The following PGAP3 variants were observed in gnomAD, a reference collection of about 807,000 sequenced individuals.
PGAP3 encodes GPI-specific phospholipase A2-like PGAP3.
PGAP3 carries 31 observed loss-of-function variants against 40.3 expected under a neutral mutation model. The ratio of observed to expected loss-of-function variants is 0.77; its 90% CI spans 0.58 to 1.04. The LOEUF (loss-of-function observed/expected upper bound fraction) is 1.04, where lower values mean the gene tolerates loss of function less well. Ranked by LOEUF, PGAP3 falls within the 50% of genes least tolerant of loss-of-function variation. The pLI is 0.00. For synonymous variants in PGAP3, 191 were observed against 184.5 expected (o/e 1.04, Z -0.29); for missense variants, 413 against 423.0 (o/e 0.98, Z 0.21).
intron 3 of PGAP3, among the ~76,000 whole-genome samples, chr17:39,683,015 G>A (rs1333018055): frequency 6.6e-6 from 1 of 152,108 alleles, no homozygotes; most frequent in Non-Finnish European, 1.5e-5. Flanking sequence ...GGCAGAGGTT[G>A]CAGCGAGCCA....
At chr17:39,674,360 A>G (rs755204277) in intron 4 of PGAP3, among the ~76,000 whole-genome samples, 6 of 152,128 alleles carry the variant, frequency 3.9e-5, no homozygotes, top group Non-Finnish European at 5.9e-5. Context: ...GCAACCCTTC[A>G]CTGGCTGGGT....
intron 3 of PGAP3, among the ~76,000 whole-genome samples, chr17:39,679,070 C>T (rs1376637031): frequency 2.0e-5 from 3 of 152,054 alleles, no homozygotes; most frequent in South Asian, 2.1e-4. Flanking sequence ...TTCAGCCTCC[C>T]GAGTAGCTGG....
At position 39,673,181 on chromosome 17, in the gene PGAP3, C is replaced by A. The variant is rs565676417; in HGVS notation, c.769G>T (p.Val257Leu). 4 of 1,578,446 alleles carry A rather than the reference C, an allele frequency of 2.5e-6. No individual in the cohort carries two copies. The highest frequency in any genetic ancestry group is 3.4e-6 in the Non-Finnish European group (4 of 1,162,826). The change falls in exon 7 of 8, where the codon GTG becomes TTG. Residue 257 changes from valine (V) to leucine (L), a missense_variant. By Grantham distance (32) the Val-to-Leu change is conservative (BLOSUM62 1). Coordinates refer to ENST00000300658, the MANE Select transcript of PGAP3 (RefSeq NM_033419.5). ...CCCTGCAGCAGCAAGACCACCACCA[C>A]GCACTTGCGCACGTGAGGCAGCCGC... ...QRRLPHVRKCVVVVLLLQGLS... is the reference protein window; with the variant it reads ...QRRLPHVRKCLVVVLLLQGLS...
intron 3 of PGAP3, among the ~76,000 whole-genome samples, chr17:39,682,137 A>C (rs1192051852): frequency 1.4e-5 from 2 of 144,454 alleles, no homozygotes; most frequent in Admixed American, 7.1e-5. Flanking sequence ...GAGGCAGGAG[A>C]ATGGCGTGAA....
chr17:39,683,055 AACAGAGTGAG>A (rs1408304914), intron 3 of PGAP3, among the ~76,000 whole-genome samples: 1 of 152,102 alleles, frequency 6.6e-6, no homozygotes, highest in East Asian at 1.9e-4. Context: ...CAGCTGGGGC[AACAGAGTGAG>A]ACTTTGTCTC....
rs547297629 is a variant in PGAP3, at chr17:39,681,024, G to C, written c.432+3573C>G. 2.0e-4 allele frequency among the ~76,000 whole-genome samples: 30 copies of C among 152,180 alleles called. No homozygotes were observed. In the South Asian group the frequency reaches 6.2e-3, roughly 32 times the overall value. On this transcript the variant is annotated intron_variant, in intron 3 of 7. Coordinates refer to ENST00000300658, the MANE Select transcript of PGAP3 (RefSeq NM_033419.5). ...ACTACGGGCATGTGCCACCAGGCCTGGCTTATTTTTTTTGTATTTTTGGTA... is the reference window on the plus strand; with the variant it reads ...ACTACGGGCATGTGCCACCAGGCCTCGCTTATTTTTTTTGTATTTTTGGTA...
chr17:39,679,767 G>T (rs1415346640), intron 3 of PGAP3, among the ~76,000 whole-genome samples: 1 of 152,128 alleles, frequency 6.6e-6, no homozygotes. Context: ...GCACTCAGGG[G>T]CCTCTCTGCT....
At chr17:39,685,412 A>G (rs899189124) in intron 2 of PGAP3, among the ~76,000 whole-genome samples, 1 of 151,868 alleles carries the variant, frequency 6.6e-6, no homozygotes, top group Non-Finnish European at 1.5e-5. Context: ...GAATTGCTTG[A>G]ACCTGGGAGG....
intron 3 of PGAP3, among the ~76,000 whole-genome samples, chr17:39,681,170 T>A (rs1008796626): frequency 2.6e-5 from 4 of 152,120 alleles, no homozygotes. Flanking sequence ...CCGGCCTCCA[T>A]CACTGTCTTA....
rs755814767 is a variant in PGAP3 at position 39,673,125 on chromosome 17, T to C, written c.825A>G (p.Pro275=). 1 of 1,607,374 alleles carries C rather than the reference T, an allele frequency of 6.2e-7. No homozygotes were observed. Among genetic ancestry groups the C allele is most frequent in the Non-Finnish European group, 8.5e-7 (1 of 1,177,450 alleles). Residue 275 remains proline, a synonymous_variant, in exon 7 of 8, where the codon CCA becomes CCG. Coordinates refer to ENST00000300658, the MANE Select transcript of PGAP3 (RefSeq NM_033419.5). The part of the protein sequence containing the change: ...GLSLLELLDF[P]PLFWVLDAHA... Reference sequence around the variant, plus strand: ...GGGCATCCAGGACCCAGAAGAGCGGTGGGAAGTCAAGCAGCTCGAGCAGGG... The same window carrying C: ...GGGCATCCAGGACCCAGAAGAGCGGCGGGAAGTCAAGCAGCTCGAGCAGGG...
Position 39,673,609 on chromosome 17 carries a change from C to T in PGAP3, c.599G>A (p.Arg200Gln), listed in dbSNP as rs546711124. ...LQHPAVVSAF[R>Q]ALLLLMLTVH... Reference sequence around the variant, plus strand: ...GGTCAGCATGAGCAGCAGGAGAGCCCGGAAGGCACTGACCACAGCTGGGTG... The same window carrying T: ...GGTCAGCATGAGCAGCAGGAGAGCCTGGAAGGCACTGACCACAGCTGGGTG... The change falls in exon 6 of 8, where the codon CGG (arginine) becomes CAG (glutamine). Residue 200 changes from arginine (R) to glutamine (Q), a missense_variant. Arg to Gln is a conservative substitution (Grantham distance 43). Coordinates refer to ENST00000300658, the MANE Select transcript of PGAP3 (RefSeq NM_033419.5). 77 of 1,614,004 alleles carry T rather than the reference C, an allele frequency of 4.8e-5. 1 individual carries two copies. Among genetic ancestry groups the T allele is most frequent in the South Asian group, 1.2e-4 (11 of 91,094 alleles).
intron 3 of PGAP3, among the ~76,000 whole-genome samples, chr17:39,684,124 CAAAA>C (rs58205601): frequency 1.6e-5 from 1 of 64,394 alleles, no homozygotes. Context: ...GACTCTGTCT[CAAAA>C]AAAAAAAAAA....
Position 39,688,040 on chromosome 17 carries a change from G to A in PGAP3, c.-26C>T, listed in dbSNP as rs1167923279. On this transcript the variant is annotated 5_prime_UTR_variant, in exon 1 of 8. Transcript: ENST00000300658. ...CCTTTCTCCCTGGCTCGCCGCCGGG[G>A]GAGGAGCTTAGGAGTATGAAGCTTC... is the stretch of plus-strand genomic sequence containing the variant. 4.4e-6 allele frequency: 6 copies of A among 1,369,466 alleles called. No individual in the cohort carries two copies. In the East Asian group the frequency reaches 1.2e-4, roughly 27 times the overall value. The allele number at this position is 1,369,466 out of a possible 1,614,324, so 84.8% of individuals were successfully genotyped here.
In PGAP3 at chr17:39,684,558, G is replaced by C. The variant is rs568870138; in HGVS notation, c.432+39C>G. 1.2e-5 allele frequency: 19 copies of C among 1,572,812 alleles called. No individual in the cohort carries two copies. In the African/African-American group the frequency reaches 2.6e-4, roughly 21 times the overall value. On this transcript the variant is annotated intron_variant, in intron 3 of 7. Coordinates refer to ENST00000300658, the MANE Select transcript of PGAP3 (RefSeq NM_033419.5). Reference sequence around the variant, plus strand: ...AGGGATGTAGAGCTCCACCTTCCTAGATAAGAGGAGACAGCAGGAGTCCTG... The same window carrying C: ...AGGGATGTAGAGCTCCACCTTCCTACATAAGAGGAGACAGCAGGAGTCCTG...
In PGAP3 at chr17:39,671,169, C is replaced by G. The variant is rs1054461918; in HGVS notation, c.*1634G>C. 6.6e-6 allele frequency: 1 copy of G among 152,378 alleles called. No homozygotes were observed. The highest frequency in any genetic ancestry group is 1.5e-5 in the Non-Finnish European group (1 of 68,048). 9.4% of individuals were successfully genotyped at this position (152,378 alleles called of 1,614,324 possible). ...AAGCACATCCCTTGCCACCCTCCCA[C>G]CTTAAAAGTTTTCAGTATCAAAAGA... is the stretch of plus-strand genomic sequence containing the variant. On this transcript the variant is annotated 3_prime_UTR_variant, in exon 8 of 8. Coordinates refer to ENST00000300658, the MANE Select transcript of PGAP3 (RefSeq NM_033419.5).
Position 39,672,086 on chromosome 17 carries a change from G to C in PGAP3, c.*717C>G, listed in dbSNP as rs1277990636. The C allele has an allele frequency of 6.5e-6, 1 of 153,090 alleles. No individual in the cohort carries two copies. Among genetic ancestry groups the C allele is most frequent in the Non-Finnish European group, 1.5e-5 (1 of 68,540 alleles). The allele number at this position is 153,090 out of a possible 1,614,324, so 9.5% of individuals were successfully genotyped here. A position where few individuals can be genotyped will look rare whatever the true frequency, so the allele number is the denominator to read the frequency against. The stretch of plus-strand genomic sequence containing the variant: ...CACACACACCCAGGCCCATGCTCAC[G>C]GCCCTGTCACCTATGCACTCAGCCT... On this transcript the variant is annotated 3_prime_UTR_variant, in exon 8 of 8. Transcript: ENST00000300658.
Position 39,684,653 on chromosome 17 carries a change from G to A in PGAP3, c.376C>T (p.Arg126Cys), listed in dbSNP as rs780774610. The change falls in exon 3 of 8, where the codon CGC becomes TGC. Residue 126 changes from arginine (R) to cysteine (C), a missense_variant. Physicochemically the swap from Arg to Cys is radical, Grantham distance 180. Coordinates refer to ENST00000300658, the MANE Select transcript of PGAP3 (RefSeq NM_033419.5). ...GGGGAGGAGGCTGGCACGAAGGTGCGGTAGCGGCAGAGCATCACCAGGCTG... is the reference window on the plus strand; with the variant it reads ...GGGGAGGAGGCTGGCACGAAGGTGCAGTAGCGGCAGAGCATCACCAGGCTG... The part of the protein sequence containing the change: ...LASLVMLCRY[R>C]TFVPASSPMY... 17 of 1,613,946 alleles carry A rather than the reference G, an allele frequency of 1.1e-5. No individual in the cohort carries two copies. Among genetic ancestry groups the A allele is most frequent in the Middle Eastern group, 1.6e-4 (1 of 6,082 alleles).
intron 4 of PGAP3, 86 bp from the exon 5 acceptor site, chr17:39,674,140 G>A: frequency 1.5e-6 from 2 of 1,369,298 alleles, no homozygotes; most frequent in Non-Finnish European, 2.1e-6. Flanking sequence ...GAGTGGCAGA[G>A]AGGGGCCGGG....
chr17:39,680,449 AT>A (rs886760732), intron 3 of PGAP3, among the ~76,000 whole-genome samples: 1 of 152,094 alleles, frequency 6.6e-6, no homozygotes, highest in Non-Finnish European at 1.5e-5. Context: ...GAGGGTCCAT[AT>A]TTCCCAGAGG....
Sources: allele counts gnomAD v4.1 joint callset (sites outside exome capture counted in the v4.1 genomes callset), GRCh38; gene constraint gnomAD v4.1.1; transcripts MANE v1.5; gene names NCBI Gene and HGNC (gene_info 2026-07-23, HGNC 2026-07-21).